The following SRM variants were observed in gnomAD, a reference collection of about 807,000 sequenced individuals.
SRM encodes the protein putrescine aminopropyltransferase.
A neutral mutation model predicts 39.3 loss-of-function variants in SRM; 14 were observed. That is an observed-to-expected ratio of 0.36 (90% CI 0.24 to 0.56). The LOEUF (loss-of-function observed/expected upper bound fraction) is 0.56, where lower values mean the gene tolerates loss of function less well. Among genes scored for constraint, SRM ranks in the 20% least tolerant of loss-of-function variants. SRM has a pLI of 0.86. For missense variants in SRM, 244 were observed against 409.2 expected, an observed-to-expected ratio of 0.60 and a Z score of 3.48; for synonymous variants, 195 against 173.1, an observed-to-expected ratio of 1.13 and a Z score of -0.99.
At chr1:11,058,978 C>G (rs1440873551) in intron 2 of SRM, 86 bp from the exon 3 acceptor site, 2 of 1,346,790 alleles carry the variant, frequency 1.5e-6, no homozygotes, top group East Asian at 4.9e-5. Context: ...ACCCCTCGGA[C>G]CCACGGGCCT....
chr1:11,059,474 C>A, intron 1 of SRM, 129 bp from the exon 2 acceptor site: 1 of 1,483,832 alleles, frequency 6.7e-7, no homozygotes, highest in Admixed American at 1.9e-5. Flanking sequence ...GATGGTGACA[C>A]GTGGCGAGGA....
In SRM at chr1:11,059,498, C is replaced by T. The variant is rs535972086; in HGVS notation, c.168-153G>A. On this transcript the variant is annotated intron_variant, in intron 1 of 7. Transcript: ENST00000376957. ...ACGTGGCGAGGAACGGCAGGCGGGC[C>T]GCCGGGTGGAGGCCGGGGTGGGACC... The T allele has an allele frequency of 6.6e-6, 9 of 1,365,560 alleles. No homozygotes were observed. The South Asian group carries it at 8.0e-5, about 12-fold the overall frequency. The allele number at this position is 1,365,560 out of a possible 1,614,324, so 84.6% of individuals were successfully genotyped here.
intron 4 of SRM, 143 bp downstream of exon 4, chr1:11,056,461 G>A (rs980965365): frequency 9.7e-7 from 1 of 1,031,536 alleles, no homozygotes; most frequent in Non-Finnish European, 1.4e-6. Context: ...TGTTTCAGAG[G>A]GCAGGTAACA....
intron 6 of SRM, 105 bp downstream of exon 6, chr1:11,055,676 A>T: frequency 8.1e-7 from 1 of 1,227,402 alleles, no homozygotes. Context: ...CAGCCTCCCA[A>T]AGTGCTGGGA....
chr1:11,055,237 C>A (rs1638851528), intron 6 of SRM, 153 bp from the exon 7 acceptor site: 1 of 1,198,162 alleles, frequency 8.3e-7, no homozygotes, highest in Non-Finnish European at 1.1e-6. Context: ...CCTGCCTCAG[C>A]CTCAGGTACG....
At chr1:11,058,174 G>A (rs551543091) in intron 3 of SRM, among the ~76,000 whole-genome samples, 8 of 152,306 alleles carry the variant, frequency 5.3e-5, no homozygotes, top group Non-Finnish European at 1.0e-4. Flanking sequence ...CACCTGGCAC[G>A]TAGCATGATT....
chr1:11,055,752 A>ACCCCCCCCCC, intron 6 of SRM, 29 bp downstream of exon 6: 7 of 1,466,004 alleles, frequency 4.8e-6, no homozygotes, highest in South Asian at 2.4e-5. Context: ...CTTCCCCCCA[A>ACCCCCCCCCC]CCCCCACCCC....
At position 11,059,974 on chromosome 1, in the gene SRM, C is replaced by G; in HGVS notation, c.-31G>C. 1.0e-6 allele frequency: 1 copy of G among 973,488 alleles called. No individual in the cohort carries two copies. The highest frequency in any genetic ancestry group is 1.2e-6 in the Non-Finnish European group (1 of 820,876). 60.3% of individuals were successfully genotyped at this position (973,488 alleles called of 1,614,324 possible). ...GCGGGCGGGCGGCGCGGGGCGCGGG[C>G]CCGGGACTGCAGGCCGCGCGGCGCC... On this transcript the variant is annotated 5_prime_UTR_variant, in exon 1 of 8. Transcript: ENST00000376957.
intron 6 of SRM, 119 bp downstream of exon 6, chr1:11,055,662 G>A (rs1426616636): frequency 1.3e-5 from 14 of 1,038,898 alleles, no homozygotes; most frequent in Admixed American, 1.3e-4. Flanking sequence ...TGATCTGCCC[G>A]CCTCAGCCTC....
rs578193046 is a variant in SRM, at chr1:11,054,785, G to A, written c.*80C>T. 48 of 1,516,648 alleles carry A rather than the reference G, an allele frequency of 3.2e-5. No homozygotes were observed. The highest frequency in any genetic ancestry group is 1.5e-4 in the Admixed American group (7 of 46,826). The allele number at this position is 1,516,648 out of a possible 1,614,324, so 93.9% of individuals were successfully genotyped here. ...TGGGCGAGAGCCAGCAGGAGGTCCG[G>A]CCCGGGGCTGGAGGGGCCGAGGCAC... On this transcript the variant is annotated 3_prime_UTR_variant, in exon 8 of 8. Transcript: ENST00000376957. The surrounding 1 kb of genome is among the most constrained non-coding windows in gnomAD (Gnocchi z 4.8).
intron 3 of SRM, 154 bp downstream of exon 3, chr1:11,058,646 C>T: frequency 1.7e-6 from 1 of 576,964 alleles, no homozygotes; most frequent in Non-Finnish European, 3.0e-6. Context: ...GGCCCTCTGC[C>T]ATCTGGTTTT....
Position 11,055,083 on chromosome 1 carries a change from C to T in SRM, c.767G>A (p.Ser256Asn). The change falls in exon 7 of 8, where the codon AGC becomes AAC. Residue 256 changes from serine to asparagine, a missense_variant and splice_region_variant. Coordinates refer to ENST00000376957, the MANE Select transcript of SRM (RefSeq NM_003132.3). ...CTGCACCGGCTCCTGGAAGTTCGTG[C>T]TCTGGGGACCGGGCCAGGGGCACAT... The part of the protein sequence containing the change: ...IGFMLCSKNP[S>N]TNFQEPVQPL... 6.2e-7 allele frequency: 1 copy of T among 1,608,570 alleles called. No individual in the cohort carries two copies.
Position 11,054,994 on chromosome 1 carries a change from C to A in SRM, c.856G>T (p.Ala286Ser). 6.2e-7 allele frequency: 1 copy of A among 1,612,624 alleles called. No individual in the cohort carries two copies. The highest frequency in any genetic ancestry group is 8.5e-7 in the Non-Finnish European group (1 of 1,179,928). ...LKYYNSDVHR[A>S]AFVLPEFARK... Reference sequence around the variant, plus strand: ...GCAAACTCGGGCAGCACAAAGGCGGCGCGGTGCACGTCGGAGTTGTAGTAC... The same window carrying A: ...GCAAACTCGGGCAGCACAAAGGCGGAGCGGTGCACGTCGGAGTTGTAGTAC... The change falls in exon 7 of 8, where the codon GCC (alanine) becomes TCC (serine). Residue 286 changes from alanine to serine, a missense_variant. By Grantham distance (99) the Ala-to-Ser change is moderately conservative. Transcript: ENST00000376957. The surrounding 1 kb of genome is among the most constrained non-coding windows in gnomAD (Gnocchi z 4.8).
intron 3 of SRM, among the ~76,000 whole-genome samples, chr1:11,057,466 TTTTTTTTTTTTTA>T (rs1379133094): frequency 6.7e-6 from 1 of 148,614 alleles, no homozygotes; most frequent in Admixed American, 6.7e-5. Flanking sequence ...GCCATTTTTT[TTTTTTTTTTTTTA>T]TTTTTAGTAG....
chr1:11,058,790 C>T lies in SRM; in HGVS notation c.381+10G>A, dbSNP rs1216419477. Reference sequence around the variant, plus strand: ...CCAGGACTCAAACCTGGCTCTACGCCGGCACTCACCTCGTCGATCTCACAC... The same window carrying T: ...CCAGGACTCAAACCTGGCTCTACGCTGGCACTCACCTCGTCGATCTCACAC... On this transcript the variant is annotated intron_variant, in intron 3 of 7. Coordinates refer to ENST00000376957, the MANE Select transcript of SRM (RefSeq NM_003132.3). The T allele has an allele frequency of 2.5e-6, 4 of 1,600,646 alleles. No homozygotes were observed. The highest frequency in any genetic ancestry group is 3.4e-5 in the Admixed American group (2 of 58,370).
rs1477819990 is a variant in SRM at position 11,059,306 on chromosome 1, G to T, written c.207C>A (p.Ile69=). Residue 69 remains isoleucine (I), a synonymous_variant, in exon 2 of 8, where the codon ATC becomes ATA. Coordinates refer to ENST00000376957, the MANE Select transcript of SRM (RefSeq NM_003132.3). ...YGNVLVLDGV[I]QCTERDEFSY... is the part of the protein sequence containing the mutation. Reference sequence around the variant, plus strand: ...AGAACTCGTCTCTCTCCGTGCACTGGATGACACCGTCCAACACCAGCACGT... The same window carrying T: ...AGAACTCGTCTCTCTCCGTGCACTGTATGACACCGTCCAACACCAGCACGT... 14 of 1,613,652 alleles carry T rather than the reference G, an allele frequency of 8.7e-6. No individual in the cohort carries two copies. The highest frequency in any genetic ancestry group is 1.1e-5 in the Non-Finnish European group (13 of 1,179,996).
Position 11,055,835 on chromosome 1 carries a change from G to A in SRM, c.711C>T (p.Thr237=). ...TCTGGCCGCTGGGGTAGGTGGGGAT[G>A]GTGCAGTAGGCATAGGCCACCACGG... is the stretch of plus-strand genomic sequence containing the variant. ...LFPVVAYAYC[T]IPTYPSGQIG... Residue 237 remains threonine (T), a synonymous_variant, in exon 6 of 8, where the codon ACC becomes ACT. Coordinates refer to ENST00000376957, the MANE Select transcript of SRM (RefSeq NM_003132.3). 3 of 1,612,416 alleles carry A rather than the reference G, an allele frequency of 1.9e-6. No homozygotes were observed. The highest frequency in any genetic ancestry group is 2.5e-6 in the Non-Finnish European group (3 of 1,179,440).
chr1:11,059,472 C>T, intron 1 of SRM, 127 bp from the exon 2 acceptor site: 6 of 1,490,898 alleles, frequency 4.0e-6, no homozygotes, highest in Non-Finnish European at 5.4e-6. Flanking sequence ...GCGATGGTGA[C>T]ACGTGGCGAG....
At chr1:11,059,107 A>G in intron 2 of SRM, 118 bp downstream of exon 2, 1 of 1,540,770 alleles carries the variant, frequency 6.5e-7, no homozygotes, top group South Asian at 1.2e-5. Flanking sequence ...CCTCCGCGGG[A>G]CGCCCCTGGC....
Sources: gnomAD v4.1 joint callset for allele counts (sites outside exome capture counted in the v4.1 genomes callset) on GRCh38, gnomAD v4.1.1 for gene constraint, Gnocchi (gnomAD v3.1) non-coding constraint, MANE v1.5 for transcripts, NCBI Gene and HGNC (gene_info 2026-07-23, HGNC 2026-07-21) for gene names.